GNA14: variants seen among roughly 807,000 people sequenced by gnomAD.
GNA14 encodes guanine nucleotide-binding protein subunit alpha-14.
Under a neutral mutation model 42.0 loss-of-function variants are expected in GNA14, and 50 were observed. The observed-to-expected ratio is 1.19, with a 90% CI of 0.95 to 1.51. GNA14 has a LOEUF of 1.51. Among genes scored for constraint, GNA14 ranks in the 40% most tolerant of loss-of-function variants. The pLI, the probability that GNA14 is intolerant of heterozygous loss-of-function variation, is 0.00. For synonymous variants in GNA14, 173 were observed against 163.1 expected (o/e 1.06, Z -0.46); for missense variants, 473 against 446.2 (o/e 1.06, Z -0.54).
chr9:77,635,800 T>A (rs1171560369), intron 1 of GNA14, among the ~76,000 whole-genome samples: 1 of 152,190 alleles, frequency 6.6e-6, no homozygotes, highest in Non-Finnish European at 1.5e-5. Context: ...TTCTGCCAAT[T>A]AGCTACTAAT....
At chr9:77,605,828 T>C (rs1031103220) in intron 1 of GNA14, among the ~76,000 whole-genome samples, 1 of 152,234 alleles carries the variant, frequency 6.6e-6, no homozygotes, top group Non-Finnish European at 1.5e-5. Context: ...TTACCTCAGC[T>C]TGAAATTATG....
intron 3 of GNA14, 49 bp downstream of exon 3, chr9:77,434,319 G>A (rs754013066): frequency 3.6e-5 from 56 of 1,557,650 alleles, no homozygotes; most frequent in Non-Finnish European, 4.2e-5. Flanking sequence ...AAGTGTGGCC[G>A]AGCTTGCCTG....
chr9:77,607,819 G>GA (rs972454238), intron 1 of GNA14, among the ~76,000 whole-genome samples: 32 of 151,278 alleles, frequency 2.1e-4, no homozygotes, highest in Admixed American at 7.9e-4. Flanking sequence ...TGGAGAGAGA[G>GA]AAAAAAAAAC....
At chr9:77,574,565 A>T (rs1823102528) in intron 1 of GNA14, among the ~76,000 whole-genome samples, 1 of 152,204 alleles carries the variant, frequency 6.6e-6, no homozygotes, top group Non-Finnish European at 1.5e-5. Flanking sequence ...ATTAATGTAA[A>T]TACATTTCTT....
intron 1 of GNA14, among the ~76,000 whole-genome samples, chr9:77,552,945 C>T: frequency 6.6e-6 from 1 of 152,134 alleles, no homozygotes. Context: ...GAACATAACT[C>T]AATGAGGGTT....
intron 1 of GNA14, among the ~76,000 whole-genome samples, chr9:77,639,803 C>T (rs572090956): frequency 6.6e-6 from 1 of 152,360 alleles, no homozygotes; most frequent in African/African-American, 2.4e-5. Context: ...TATTACTCTG[C>T]TTACATGGTC....
In GNA14 at chr9:77,517,508, C is replaced by A. The variant is rs1205867894; in HGVS notation, c.309+11561G>T. 13 of 150,420 alleles carry A rather than the reference C, an allele frequency of 8.6e-5. No homozygotes were observed. The Admixed American group carries it at 8.7e-4, about 10-fold the overall frequency. The allele number at this position is 150,420 out of a possible 1,614,324, so 9.3% of individuals were successfully genotyped here. On this transcript the variant is annotated intron_variant, in intron 2 of 6. Coordinates refer to ENST00000341700, the MANE Select transcript of GNA14 (RefSeq NM_004297.4). ...GGTGAGGACGCACCTGGAAGCCACACACATTGGAGGACACAGGTTCTTCAC... is the reference window on the plus strand; with the variant it reads ...GGTGAGGACGCACCTGGAAGCCACAAACATTGGAGGACACAGGTTCTTCAC...
At chr9:77,483,690 C>G (rs1424050865) in intron 2 of GNA14, among the ~76,000 whole-genome samples, 1 of 152,182 alleles carries the variant, frequency 6.6e-6, no homozygotes, top group Non-Finnish European at 1.5e-5. Flanking sequence ...CAGAGGCAGG[C>G]TGGCCTCCTT....
At chr9:77,569,305 A>C (rs992867989) in intron 1 of GNA14, among the ~76,000 whole-genome samples, 2 of 152,124 alleles carry the variant, frequency 1.3e-5, no homozygotes, top group African/African-American at 4.8e-5. Flanking sequence ...AGGGGGATGC[A>C]GTCCTATTAG....
chr9:77,635,760 A>C (rs1824175356), intron 1 of GNA14, among the ~76,000 whole-genome samples: 1 of 152,216 alleles, frequency 6.6e-6, no homozygotes, highest in South Asian at 2.1e-4. Context: ...TAGGAAATTC[A>C]ACATGAAGAC....
At chr9:77,529,804 G>C (rs1837501731) in intron 1 of GNA14, among the ~76,000 whole-genome samples, 1 of 152,092 alleles carries the variant, frequency 6.6e-6, no homozygotes. Context: ...TGGCGGCCAA[G>C]GAACGTGTTA....
intron 1 of GNA14, among the ~76,000 whole-genome samples, 187 bp downstream of exon 1, chr9:77,647,483 G>C (rs1396685024): frequency 1.3e-5 from 2 of 152,176 alleles, no homozygotes; most frequent in Non-Finnish European, 2.9e-5. Flanking sequence ...AAGTCGCCCA[G>C]CCAGAGATGG....
At chr9:77,559,377 TG>T (rs1554698586) in intron 1 of GNA14, among the ~76,000 whole-genome samples, 1 of 151,662 alleles carries the variant, frequency 6.6e-6, no homozygotes, top group Non-Finnish European at 1.5e-5. Flanking sequence ...AAGGTGCAAG[TG>T]AGATAAAGGA....
intron 1 of GNA14, among the ~76,000 whole-genome samples, chr9:77,567,540 T>A (rs1011041912): frequency 1.3e-5 from 2 of 152,094 alleles, no homozygotes; most frequent in South Asian, 2.1e-4. Flanking sequence ...CCACAAGTTT[T>A]AAAAAAAATG....
chr9:77,438,327 C>T (rs1015315462), intron 2 of GNA14, among the ~76,000 whole-genome samples: 7 of 151,912 alleles, frequency 4.6e-5, no homozygotes, highest in Non-Finnish European at 1.0e-4. Flanking sequence ...AGCACAACGG[C>T]GCGATCTCAG....
rs1835611496 is a variant in GNA14, at chr9:77,434,501, C to T, written c.331G>A (p.Glu111Lys). The T allele has an allele frequency of 1.2e-6, 2 of 1,613,612 alleles. No individual in the cohort carries two copies. The highest frequency in any genetic ancestry group is 1.7e-6 in the Non-Finnish European group (2 of 1,179,804). ...ATGGAGACCTTGTCCACTTCCACTT[C>T]TCTGATTATCTGGGCATTTTCCTAC... is the stretch of plus-strand genomic sequence containing the variant. ...QNKENAQIIR[E>K]VEVDKVSMLS... The change falls in exon 3 of 7, where the codon GAA becomes AAA. Residue 111 changes from glutamate to lysine, a missense_variant. By Grantham distance (56) the Glu-to-Lys change is moderately conservative. Transcript: ENST00000341700.
chr9:77,485,753 G>A (rs950658521), intron 2 of GNA14, among the ~76,000 whole-genome samples: 4 of 152,152 alleles, frequency 2.6e-5, no homozygotes, highest in Admixed American at 6.5e-5. Context: ...GCGCTTAGGT[G>A]ACCAGGTGCA....
chr9:77,630,326 C>A (rs192960858), intron 1 of GNA14, among the ~76,000 whole-genome samples: 17 of 152,168 alleles, frequency 1.1e-4, no homozygotes, highest in Non-Finnish European at 1.5e-4. Flanking sequence ...CCATGCTTCC[C>A]AAACTGGTCT....
chr9:77,516,464 C>A (rs1464476772), intron 2 of GNA14, among the ~76,000 whole-genome samples: 5 of 152,146 alleles, frequency 3.3e-5, no homozygotes, highest in African/African-American at 1.2e-4. Context: ...TGGTGGCTCA[C>A]ACCTGTAATC....
Sources: allele counts gnomAD v4.1 joint callset (sites outside exome capture counted in the v4.1 genomes callset), GRCh38; gene constraint gnomAD v4.1.1; transcripts MANE v1.5; gene names NCBI Gene and HGNC (gene_info 2026-07-23, HGNC 2026-07-21).